The following HTR1F variants were observed in gnomAD, a reference collection of about 807,000 sequenced individuals.
The protein encoded by HTR1F is 5-hydroxytryptamine (serotonin) receptor 1F, G protein-coupled.
Under a neutral mutation model 24.0 loss-of-function variants are expected in HTR1F, and 17 were observed. That is an observed-to-expected ratio of 0.71 (90% CI 0.48 to 1.06). The LOEUF is 1.06. Among genes scored for constraint, HTR1F ranks in the 50% least tolerant of loss-of-function variants. HTR1F has a pLI of 0.00. For synonymous variants in HTR1F, 186 were observed against 156.8 expected, an observed-to-expected ratio of 1.19 and a Z score of -1.39; for missense variants, 391 against 427.8, an observed-to-expected ratio of 0.91 and a Z score of 0.76.
intron 2 of HTR1F, among the ~76,000 whole-genome samples, chr3:87,877,421 G>GA (rs1705693996): frequency 6.6e-6 from 1 of 151,830 alleles, no homozygotes; most frequent in South Asian, 2.1e-4. Flanking sequence ...TGAATTGAAA[G>GA]AAAAAACATT....
Position 87,811,039 on chromosome 3 carries a change from A to G in HTR1F, c.-159-10969A>G, listed in dbSNP as rs550330985. ...GCCAATAGGCCATATAGTAAGTACT[A>G]GTAAGTAATCCTGATTTCAGATACT... is the stretch of plus-strand genomic sequence containing the variant. On this transcript the variant is annotated intron_variant, in intron 1 of 2. Coordinates refer to ENST00000319595, the MANE Select transcript of HTR1F (RefSeq NM_001322209.2). Among the ~76,000 whole-genome samples, 246 of 152,236 alleles carry G rather than the reference A, an allele frequency of 1.6e-3. 1 individual carries two copies. Among genetic ancestry groups the G allele is most frequent in the Non-Finnish European group, 2.9e-3 (197 of 68,040 alleles).
intron 2 of HTR1F, among the ~76,000 whole-genome samples, chr3:87,987,450 C>T (rs1327021656): frequency 6.6e-6 from 1 of 151,012 alleles, no homozygotes; most frequent in East Asian, 1.9e-4. Flanking sequence ...CTAAGCACAC[C>T]ATTACATCAT....
At chr3:87,946,771 G>A (rs572278217) in intron 2 of HTR1F, among the ~76,000 whole-genome samples, 67 of 152,048 alleles carry the variant, frequency 4.4e-4, no homozygotes, top group South Asian at 1.7e-3. Flanking sequence ...GGTTACAGGC[G>A]CGTGCTACCA....
At chr3:87,834,401 T>C (rs2107160978) in intron 2 of HTR1F, among the ~76,000 whole-genome samples, 1 of 152,210 alleles carries the variant, frequency 6.6e-6, no homozygotes, top group Non-Finnish European at 1.5e-5. Flanking sequence ...ATTTGGGACT[T>C]AAAAAGCAGA....
intron 2 of HTR1F, among the ~76,000 whole-genome samples, chr3:87,891,932 T>C (rs573379717): frequency 6.6e-6 from 1 of 152,322 alleles, no homozygotes; most frequent in African/African-American, 2.4e-5. Flanking sequence ...CACAGATGAC[T>C]TAAGGCAAGC....
intron 1 of HTR1F, among the ~76,000 whole-genome samples, 75 bp downstream of exon 1, chr3:87,792,917 G>C (rs1271564080): frequency 6.6e-6 from 1 of 152,240 alleles, no homozygotes; most frequent in Non-Finnish European, 1.5e-5. Context: ...GGGAAGGGGT[G>C]TGGGGACGTG....
intron 2 of HTR1F, among the ~76,000 whole-genome samples, chr3:87,913,036 T>C (rs577100340): frequency 5.6e-4 from 85 of 152,156 alleles, no homozygotes; most frequent in African/African-American, 2.0e-3. Context: ...TAGGCAAATA[T>C]TTTATGATGA....
chr3:87,978,238 G>A (rs1705442015), intron 2 of HTR1F, among the ~76,000 whole-genome samples: 1 of 152,102 alleles, frequency 6.6e-6, no homozygotes, highest in Non-Finnish European at 1.5e-5. Flanking sequence ...CCCCAAAGAG[G>A]GTGTCATCTC....
At chr3:87,858,466 C>G (rs539314262) in intron 2 of HTR1F, among the ~76,000 whole-genome samples, 28 of 152,254 alleles carry the variant, frequency 1.8e-4, no homozygotes, top group African/African-American at 5.1e-4. Flanking sequence ...CATCAGTTCA[C>G]CTTTTTCCTA....
At chr3:87,900,498 T>A (rs2107323946) in intron 2 of HTR1F, among the ~76,000 whole-genome samples, 1 of 152,282 alleles carries the variant, frequency 6.6e-6, no homozygotes, top group South Asian at 2.1e-4. Context: ...TGGAGGGGCA[T>A]GATCTGACTT....
At chr3:87,825,683 C>A (rs968126070) in intron 2 of HTR1F, among the ~76,000 whole-genome samples, 3 of 152,212 alleles carry the variant, frequency 2.0e-5, no homozygotes, top group African/African-American at 7.2e-5. Flanking sequence ...TCGCACTCGC[C>A]TGTCTTCTAA....
chr3:87,957,283 C>T (rs549898497), intron 2 of HTR1F, among the ~76,000 whole-genome samples: 13 of 150,946 alleles, frequency 8.6e-5, no homozygotes, highest in Non-Finnish European at 1.9e-4. Context: ...CTTAAGGTAA[C>T]TCTGCATTCC....
chr3:87,845,219 G>A (rs1427694665), intron 2 of HTR1F, among the ~76,000 whole-genome samples: 5 of 151,646 alleles, frequency 3.3e-5, no homozygotes, highest in Admixed American at 3.3e-4. Context: ...CATAGTGTTG[G>A]AAGTTCTGGC....
In HTR1F at chr3:87,908,898, C is replaced by A. The variant is rs531407221; in HGVS notation, c.-42-81810C>A. ...TATTTTGTTCTTTTTAGAGGAAAAC[C>A]TTTCTTAATAAAATAATTTAACAAA... On this transcript the variant is annotated intron_variant, in intron 2 of 2. Coordinates refer to ENST00000319595, the MANE Select transcript of HTR1F (RefSeq NM_001322209.2). 5.3e-4 allele frequency among the ~76,000 whole-genome samples: 80 copies of A among 152,074 alleles called. 1 individual carries two copies. The highest frequency in any genetic ancestry group is 1.8e-3 in the African/African-American group (74 of 41,536).
At chr3:87,900,978 C>A (rs1411530760) in intron 2 of HTR1F, among the ~76,000 whole-genome samples, 2 of 152,040 alleles carry the variant, frequency 1.3e-5, no homozygotes, top group Non-Finnish European at 2.9e-5. Flanking sequence ...GTAAGAAATG[C>A]CATGATAGTA....
chr3:87,915,230 A>G (rs1457193498), intron 2 of HTR1F, among the ~76,000 whole-genome samples: 1 of 152,194 alleles, frequency 6.6e-6, no homozygotes, highest in Admixed American at 6.5e-5. Flanking sequence ...CTCCCCTCTG[A>G]CAGAGCCTAC....
intron 1 of HTR1F, among the ~76,000 whole-genome samples, chr3:87,796,265 GC>G (rs1703903891): frequency 2.6e-5 from 4 of 151,924 alleles, no homozygotes; most frequent in African/African-American, 9.7e-5. Context: ...AGGAATTGAG[GC>G]TCATGTCTAG....
rs76958036 is a variant in HTR1F, at chr3:87,856,003, C to T, written c.-43+33879C>T. On this transcript the variant is annotated intron_variant, in intron 2 of 2. Coordinates refer to ENST00000319595, the MANE Select transcript of HTR1F (RefSeq NM_001322209.2). ...CCAAAGAGAAGCCAGGAAGTGCTTC[C>T]TTTAAGTAAAAAGGTGAAAGTTCTT... is the stretch of plus-strand genomic sequence containing the variant. Among the ~76,000 whole-genome samples, 587 of 151,896 alleles carry T rather than the reference C, an allele frequency of 3.9e-3. 6 individuals carry two copies. Among genetic ancestry groups the T allele is most frequent in the African/African-American group, 0.014 (565 of 41,466 alleles).
chr3:87,916,312 A>AG (rs1553675819), intron 2 of HTR1F, among the ~76,000 whole-genome samples: 1 of 49,624 alleles, frequency 2.0e-5, no homozygotes, highest in Admixed American at 1.7e-4. Flanking sequence ...CAAAAAAGAA[A>AG]AAAAAAAAAA....
Sources: gnomAD v4.1 joint callset for allele counts (sites outside exome capture counted in the v4.1 genomes callset) on GRCh38, gnomAD v4.1.1 for gene constraint, MANE v1.5 for transcripts, NCBI Gene and HGNC (gene_info 2026-07-23, HGNC 2026-07-21) for gene names.